Variants in COLQ observed in about 807,000 individuals in gnomAD.
The protein encoded by COLQ is acetylcholinesterase collagenic tail peptide.
In COLQ, 48 loss-of-function variants were observed where a neutral mutation model predicts 69.0. The observed-to-expected ratio is 0.70, with a 90% CI of 0.55 to 0.88. The LOEUF (loss-of-function observed/expected upper bound fraction) is 0.88, where lower values mean the gene tolerates loss of function less well. Among genes scored for constraint, COLQ ranks in the 40% least tolerant of loss-of-function variants. The probability of loss-of-function intolerance (pLI) is 0.00; values close to 1 mark genes in which losing one functional copy is unlikely to be tolerated. For synonymous variants in COLQ, 217 were observed against 211.2 expected (o/e 1.03, Z -0.24); for missense variants, 618 against 594.6 (o/e 1.04, Z -0.41).
chr3:15,466,421 C>T lies in COLQ; in HGVS notation c.734G>A (p.Ser245Asn). Residue 245 changes from serine (S) to asparagine (N), a missense_variant, in exon 12 of 17, where the codon AGT (serine) becomes AAT (asparagine). By Grantham distance (46) the Ser-to-Asn change is conservative. Coordinates refer to ENST00000383788, the MANE Select transcript of COLQ (RefSeq NM_005677.4). ...KRGKQGQKGD[S>N]GVMGPPGKPG... Reference sequence around the variant, plus strand: ...CTTGCCTGGTGGGCCCATAACTCCACTATCCCCTTTCTGTCCCTGACAGAG... The same window carrying T: ...CTTGCCTGGTGGGCCCATAACTCCATTATCCCCTTTCTGTCCCTGACAGAG... 1 of 1,614,138 alleles carries T rather than the reference C, an allele frequency of 6.2e-7. No individual in the cohort carries two copies. Among genetic ancestry groups the T allele is most frequent in the Non-Finnish European group, 8.5e-7 (1 of 1,180,024 alleles).
chr3:15,503,859 C>G lies in COLQ; in HGVS notation c.107-14222G>C, dbSNP rs565287948. On this transcript the variant is annotated intron_variant, in intron 1 of 16. Transcript: ENST00000383788. ...ACCACCACCACCTAGAGAGAATGAGCAGGAAACCTCAGAAGAAATGGCACC... is the reference window on the plus strand; with the variant it reads ...ACCACCACCACCTAGAGAGAATGAGGAGGAAACCTCAGAAGAAATGGCACC... Among the ~76,000 whole-genome samples, 31 of 152,160 alleles carry G rather than the reference C, an allele frequency of 2.0e-4. 1 individual carries two copies. The highest frequency in any genetic ancestry group is 4.4e-5 in the Non-Finnish European group (3 of 68,002).
At chr3:15,475,883 A>T (rs562330510) in intron 6 of COLQ, among the ~76,000 whole-genome samples, 62 of 152,278 alleles carry the variant, frequency 4.1e-4, no homozygotes, top group African/African-American at 1.2e-3. Flanking sequence ...TTTGCATAGG[A>T]AGGGTCCTCA....
rs564306027 is a variant in COLQ, at chr3:15,483,639, G to A, written c.322-4257C>T. Reference sequence around the variant, plus strand: ...ACGAGTGCTTTACTTCCAACTATGTGGTCAGTTTTGGAATAAGTGTGATGT... The same window carrying A: ...ACGAGTGCTTTACTTCCAACTATGTAGTCAGTTTTGGAATAAGTGTGATGT... On this transcript the variant is annotated intron_variant, in intron 3 of 16. Transcript: ENST00000383788. Among the ~76,000 whole-genome samples, 4 of 152,280 alleles carry A rather than the reference G, an allele frequency of 2.6e-5. No individual in the cohort carries two copies. The East Asian group carries it at 7.7e-4, about 29-fold the overall frequency.
At chr3:15,509,646 G>A (rs1265030313) in intron 1 of COLQ, among the ~76,000 whole-genome samples, 2 of 152,224 alleles carry the variant, frequency 1.3e-5, no homozygotes, top group Non-Finnish European at 2.9e-5. Flanking sequence ...CCCAGGCCCA[G>A]GGCTGGGCCC....
chr3:15,470,867 G>C (rs1387062888), intron 10 of COLQ, among the ~76,000 whole-genome samples: 1 of 152,182 alleles, frequency 6.6e-6, no homozygotes, highest in Non-Finnish European at 1.5e-5. Flanking sequence ...GGACAGGTGT[G>C]GAGCAGCACA....
chr3:15,466,653 T>TCGTC (rs1559516262), intron 11 of COLQ, among the ~76,000 whole-genome samples: 1 of 151,470 alleles, frequency 6.6e-6, no homozygotes, highest in African/African-American at 2.4e-5. Flanking sequence ...TAGTTCTTGC[T>TCGTC]CTACAAATGT....
At chr3:15,485,295 G>A (rs139147617) in intron 3 of COLQ, among the ~76,000 whole-genome samples, 351 of 152,318 alleles carry the variant, frequency 2.3e-3, no homozygotes, top group African/African-American at 8.0e-3. Context: ...TGTATGAGGT[G>A]TCAGTCGGCC....
rs192766227 is a variant in COLQ at position 15,456,947 on chromosome 3, C to T, written c.955-368G>A. On this transcript the variant is annotated intron_variant, in intron 13 of 16. Coordinates refer to ENST00000383788, the MANE Select transcript of COLQ (RefSeq NM_005677.4). ...AAGCAATTCTCCTGCCTCAGCCTCTCGAGTAGGTGGGATTACAGGTGTGCA... is the reference window on the plus strand; with the variant it reads ...AAGCAATTCTCCTGCCTCAGCCTCTTGAGTAGGTGGGATTACAGGTGTGCA... Among the ~76,000 whole-genome samples, 10 of 152,050 alleles carry T rather than the reference C, an allele frequency of 6.6e-5. No individual in the cohort carries two copies. In the East Asian group the frequency reaches 1.7e-3, roughly 26 times the overall value.
intron 1 of COLQ, among the ~76,000 whole-genome samples, chr3:15,501,854 G>C (rs549541441): frequency 6.6e-6 from 1 of 152,260 alleles, no homozygotes; most frequent in South Asian, 2.1e-4. Context: ...CACCCAACCT[G>C]CTTCTTGGCT....
In COLQ at chr3:15,461,878, TC is replaced by T. The variant is rs554218139; in HGVS notation, c.815-3554del. 5.3e-3 allele frequency among the ~76,000 whole-genome samples: 795 copies of T among 151,164 alleles called. 9 individuals carry two copies. Among genetic ancestry groups the T allele is most frequent in the African/African-American group, 0.018 (756 of 41,126 alleles). ...TTGGATGTAGGTATATACAGTTTTT[TC>T]CCCCCCGAGAATGGGTTTGGGACTT... On this transcript the variant is annotated intron_variant, in intron 12 of 16. Coordinates refer to ENST00000383788, the MANE Select transcript of COLQ (RefSeq NM_005677.4).
intron 12 of COLQ, among the ~76,000 whole-genome samples, chr3:15,459,791 T>TTTATTATTATTA (rs3067773): frequency 1.3e-5 from 2 of 149,994 alleles, no homozygotes; most frequent in African/African-American, 4.9e-5. Context: ...GCACCCATAT[T>TTTATTATTATTA]TTATTATTAT....
chr3:15,498,972 C>T lies in COLQ; in HGVS notation c.107-9335G>A. ...TCATTTGGCTCAAAAACCGACTTGACTCAAAATACCACAGCAGTATTGACT... is the reference window on the plus strand; with the variant it reads ...TCATTTGGCTCAAAAACCGACTTGATTCAAAATACCACAGCAGTATTGACT... On this transcript the variant is annotated intron_variant, in intron 1 of 16. Coordinates refer to ENST00000383788, the MANE Select transcript of COLQ (RefSeq NM_005677.4). 3 of 1,175,874 alleles carry T rather than the reference C, an allele frequency of 2.6e-6. 1 individual carries two copies. The South Asian group carries it at 5.4e-5, about 21-fold the overall frequency. 72.8% of individuals were successfully genotyped at this position (1,175,874 alleles called of 1,614,324 possible).
rs1553634795 is a variant in COLQ at position 15,458,227 on chromosome 3, C to T, written c.913G>A (p.Gly305Arg). 9.3e-6 allele frequency: 15 copies of T among 1,614,078 alleles called. No homozygotes were observed. The South Asian group carries it at 9.9e-5, about 11-fold the overall frequency. ...GAACTGGGCCCATACACAGATTCCC[C>T]GTAGGAAGGGTTATTCACATTCATA... is the stretch of plus-strand genomic sequence containing the variant. ...PTMNVNNPSY[G>R]ESVYGPSSPR... Residue 305 changes from glycine to arginine, a missense_variant, in exon 13 of 17, where the codon GGG becomes AGG. Physicochemically the swap from Gly to Arg is moderately radical, Grantham distance 125 (BLOSUM62 -2). Coordinates refer to ENST00000383788, the MANE Select transcript of COLQ (RefSeq NM_005677.4).
At chr3:15,457,180 A>G (rs1028003486) in intron 13 of COLQ, among the ~76,000 whole-genome samples, 4 of 152,164 alleles carry the variant, frequency 2.6e-5, no homozygotes. Flanking sequence ...TTAAAAGGCA[A>G]TGTCATATAG....
chr3:15,476,511 T>C (rs925865317), intron 6 of COLQ, among the ~76,000 whole-genome samples: 18 of 152,160 alleles, frequency 1.2e-4, no homozygotes, highest in Non-Finnish European at 2.2e-4. Flanking sequence ...TGCTATAATA[T>C]AGCCAGTAAA....
rs1254658861 is a variant in COLQ, at chr3:15,479,074, G to C, written c.367-71C>G. 1.3e-5 allele frequency: 20 copies of C among 1,587,614 alleles called. No homozygotes were observed. In the East Asian group the frequency reaches 4.2e-4, roughly 34 times the overall value. On this transcript the variant is annotated intron_variant, in intron 4 of 16. Coordinates refer to ENST00000383788, the MANE Select transcript of COLQ (RefSeq NM_005677.4). Reference sequence around the variant, plus strand: ...TGTTCTGGAAGCAGAAGCCTTAGTAGAGCTGATGACTGGGCATGGCCATGT... The same window carrying C: ...TGTTCTGGAAGCAGAAGCCTTAGTACAGCTGATGACTGGGCATGGCCATGT...
chr3:15,502,755 T>C (rs1373925308), intron 1 of COLQ, among the ~76,000 whole-genome samples: 1 of 152,106 alleles, frequency 6.6e-6, no homozygotes, highest in Non-Finnish European at 1.5e-5. Context: ...AATGCTGTGT[T>C]AAGAAGGACT....
At chr3:15,516,716 T>A (rs919684142) in intron 1 of COLQ, among the ~76,000 whole-genome samples, 7 of 152,182 alleles carry the variant, frequency 4.6e-5, no homozygotes, top group Non-Finnish European at 8.8e-5. Context: ...TTAACCTCCA[T>A]TAAAATGCAA....
At chr3:15,480,576 T>C (rs2062463731) in intron 3 of COLQ, among the ~76,000 whole-genome samples, 1 of 152,230 alleles carries the variant, frequency 6.6e-6, no homozygotes, top group Non-Finnish European at 1.5e-5. Flanking sequence ...TAATCCAGTC[T>C]ATCATTGATG....
Sources: allele counts gnomAD v4.1 joint callset (sites outside exome capture counted in the v4.1 genomes callset), GRCh38; gene constraint gnomAD v4.1.1; transcripts MANE v1.5; gene names NCBI Gene and HGNC (gene_info 2026-07-23, HGNC 2026-07-21).